Variants in SRPK2 observed in about 807,000 individuals in gnomAD.
The protein encoded by SRPK2 is SFRS protein kinase 2.
SRPK2 carries 21 observed loss-of-function variants against 90.8 expected under a neutral mutation model. That is an observed-to-expected ratio of 0.23 (90% CI 0.16 to 0.33). The LOEUF is 0.33. Ranked by LOEUF, SRPK2 falls within the 10% of genes least tolerant of loss-of-function variation. The probability of loss-of-function intolerance (pLI) is 1.00; values close to 1 mark genes in which losing one functional copy is unlikely to be tolerated. For synonymous variants in SRPK2, 288 were observed against 311.1 expected, an observed-to-expected ratio of 0.93 and a Z score of 0.78; for missense variants, 620 against 869.0, an observed-to-expected ratio of 0.71 and a Z score of 3.60.
intron 2 of SRPK2, among the ~76,000 whole-genome samples, chr7:105,369,016 G>A (rs1227603421): frequency 6.6e-6 from 1 of 151,890 alleles, no homozygotes; most frequent in Non-Finnish European, 1.5e-5. Context: ...GCACCCCAAT[G>A]GACAAGGGGA....
intron 2 of SRPK2, among the ~76,000 whole-genome samples, chr7:105,328,046 G>A (rs1165365683): frequency 2.0e-5 from 3 of 152,160 alleles, no homozygotes; most frequent in African/African-American, 7.2e-5. Context: ...AAAGTGCTGG[G>A]ATTACAGGCG....
chr7:105,240,838 C>T (rs1268973108), intron 2 of SRPK2, among the ~76,000 whole-genome samples: 1 of 152,150 alleles, frequency 6.6e-6, no homozygotes, highest in African/African-American at 2.4e-5. Flanking sequence ...AAATACTCGT[C>T]CAGTATGTAC....
At chr7:105,148,986 T>G (rs1805094000) in intron 7 of SRPK2, among the ~76,000 whole-genome samples, 1 of 152,206 alleles carries the variant, frequency 6.6e-6, no homozygotes, top group Admixed American at 6.5e-5. Flanking sequence ...CCTCTGCCCT[T>G]GAAAGCTGGG....
intron 2 of SRPK2, among the ~76,000 whole-genome samples, chr7:105,235,333 AG>A (rs776455547): frequency 9.2e-5 from 14 of 152,252 alleles, no homozygotes; most frequent in Non-Finnish European, 1.6e-4. Context: ...ATTGTCACAA[AG>A]CAAGTTTATT....
intron 2 of SRPK2, among the ~76,000 whole-genome samples, chr7:105,219,427 A>C (rs75787678): frequency 2.1e-4 from 32 of 152,288 alleles, no homozygotes; most frequent in African/African-American, 7.7e-4. Context: ...CCTATGTATC[A>C]TTATAACAGA....
intron 3 of SRPK2, among the ~76,000 whole-genome samples, chr7:105,185,667 A>G (rs1354272481): frequency 6.6e-6 from 1 of 152,212 alleles, no homozygotes; most frequent in Non-Finnish European, 1.5e-5. Context: ...CTGACTACAA[A>G]AAGAATAAGT....
In SRPK2 at chr7:105,170,967, G is replaced by GAAAGAAAA. The variant is rs66735717; in HGVS notation, c.230-1703_230-1702insTTTTCTTT. Reference sequence around the variant, plus strand: ...AGAAAGAAAGAAAGAAAGAAAGAAAGAGAAAGAAAGAGAAAGAAAGAAAGA... The same window carrying GAAAGAAAA: ...AGAAAGAAAGAAAGAAAGAAAGAAAGAAAGAAAAAGAAAGAAAGAGAAAGAAAGAAAGA... On this transcript the variant is annotated intron_variant, in intron 3 of 15. Transcript: ENST00000393651. Among the ~76,000 whole-genome samples the GAAAGAAAA allele has an allele frequency of 2.7e-5, 2 of 74,462 alleles. 1 individual carries two copies. Among genetic ancestry groups the GAAAGAAAA allele is most frequent in the Admixed American group, 3.1e-4 (2 of 6,506 alleles). The allele number at this position is 74,462 out of a possible 152,430, so 48.8% of individuals were successfully genotyped here.
chr7:105,188,245 C>T (rs983299179), intron 3 of SRPK2, among the ~76,000 whole-genome samples: 1 of 152,024 alleles, frequency 6.6e-6, no homozygotes, highest in Non-Finnish European at 1.5e-5. Context: ...AAGCCAAACA[C>T]AAAAAGTGAT....
intron 2 of SRPK2, among the ~76,000 whole-genome samples, chr7:105,307,561 T>C (rs942913053): frequency 1.3e-5 from 2 of 152,282 alleles, no homozygotes; most frequent in Admixed American, 1.3e-4. Flanking sequence ...ACTCTCACCT[T>C]TAAAAACACT....
intron 2 of SRPK2, among the ~76,000 whole-genome samples, chr7:105,357,163 G>A (rs540123280): frequency 1.5e-3 from 228 of 151,690 alleles, no homozygotes; most frequent in Non-Finnish European, 2.6e-3. Flanking sequence ...CAGCCTCCCG[G>A]GTAGCTGGGA....
chr7:105,135,460 G>A (rs1306587054), intron 11 of SRPK2, among the ~76,000 whole-genome samples: 1 of 152,226 alleles, frequency 6.6e-6, no homozygotes, highest in Non-Finnish European at 1.5e-5. Context: ...GGGAAGGGGA[G>A]GCCCAAGAGC....
chr7:105,204,757 T>G (rs994787639), intron 2 of SRPK2: 1 of 578,660 alleles, frequency 1.7e-6, no homozygotes, highest in Non-Finnish European at 3.2e-6. Context: ...CAAGCAAAAT[T>G]CTTTAGCACC....
At chr7:105,339,236 C>T (rs1815463042) in intron 2 of SRPK2, among the ~76,000 whole-genome samples, 1 of 152,118 alleles carries the variant, frequency 6.6e-6, no homozygotes, top group African/African-American at 2.4e-5. Context: ...AAGTTCTATG[C>T]CCAAAATACA....
intron 3 of SRPK2, among the ~76,000 whole-genome samples, chr7:105,201,558 C>T (rs1008128097): frequency 1.3e-5 from 2 of 151,918 alleles, no homozygotes; most frequent in Admixed American, 1.3e-4. Flanking sequence ...AGTTTTCACT[C>T]CTGCTTGGTA....
At position 105,388,673 on chromosome 7, in the gene SRPK2, G is replaced by A. The variant is rs1384154177; in HGVS notation, c.46C>T (p.Pro16Ser). Residue 16 changes from proline to serine, a missense_variant, in exon 2 of 16, where the codon CCG (proline) becomes TCG (serine). Coordinates refer to ENST00000393651, the MANE Select transcript of SRPK2 (RefSeq NM_182692.3). ...TTTTTCGGATGTTTCTCTCTTTTCG[G>A]CCTCCGCTTTCGGGCCTGAATGGCC... is the stretch of plus-strand genomic sequence containing the variant. ...VLAIQARKRRPKREKHPKKPE... is the reference protein window; with the variant it reads ...VLAIQARKRRSKREKHPKKPE... The A allele has an allele frequency of 1.3e-6, 2 of 1,589,080 alleles. No individual in the cohort carries two copies. Among genetic ancestry groups the A allele is most frequent in the Admixed American group, 1.7e-5 (1 of 57,480 alleles).
At chr7:105,191,797 A>T (rs1794312395) in intron 3 of SRPK2, among the ~76,000 whole-genome samples, 1 of 151,932 alleles carries the variant, frequency 6.6e-6, no homozygotes, top group Non-Finnish European at 1.5e-5. Flanking sequence ...TAAGATTTCA[A>T]ATTAAGCTTC....
At chr7:105,389,314 CCT>C, upstream of SRPK2, 1 of 1,281,492 alleles carries the variant, frequency 7.8e-7, no homozygotes, top group Non-Finnish European at 1.0e-6. Context: ...TCTCGCACCA[CCT>C]CTCTTCCCGC....
chr7:105,235,351 G>A (rs1799992398), intron 2 of SRPK2, among the ~76,000 whole-genome samples: 1 of 152,172 alleles, frequency 6.6e-6, no homozygotes, highest in South Asian at 2.1e-4. Flanking sequence ...TATTTCAAAT[G>A]CTTTATCACA....
rs1799756205 is a variant in SRPK2, at chr7:105,117,616, G to A, written c.*222C>T. ...TAGAGACATGTTATTGTTTCCAGAA[G>A]AAAATGGTCAGTAAACTACTTAGCT... On this transcript the variant is annotated 3_prime_UTR_variant, in exon 16 of 16. Coordinates refer to ENST00000393651, the MANE Select transcript of SRPK2 (RefSeq NM_182692.3). 1.8e-6 allele frequency: 1 copy of A among 549,040 alleles called. No individual in the cohort carries two copies. Among genetic ancestry groups the A allele is most frequent in the South Asian group, 2.5e-5 (1 of 40,416 alleles). The allele number at this position is 549,040 out of a possible 1,614,324, so 34.0% of individuals were successfully genotyped here.
Sources: gnomAD v4.1 joint callset for allele counts (sites outside exome capture counted in the v4.1 genomes callset) on GRCh38, gnomAD v4.1.1 for gene constraint, MANE v1.5 for transcripts, NCBI Gene and HGNC (gene_info 2026-07-23, HGNC 2026-07-21) for gene names.